PAX3: variants seen among roughly 807,000 people sequenced by gnomAD.
PAX3 encodes paired box protein Pax-3.
Under a neutral mutation model 51.6 loss-of-function variants are expected in PAX3, and 14 were observed. The observed-to-expected ratio is 0.27, with a 90% confidence interval of 0.18 to 0.42. PAX3 has a LOEUF of 0.42. Among genes scored for constraint, PAX3 ranks in the 10% least tolerant of loss-of-function variants. The pLI, the probability that PAX3 is intolerant of heterozygous loss-of-function variation, is 1.00. For synonymous variants in PAX3, 280 were observed against 253.4 expected, an observed-to-expected ratio of 1.11 and a Z score of -1.00; for missense variants, 540 against 642.8, an observed-to-expected ratio of 0.84 and a Z score of 1.73.
chr2:222,235,163 A>G (rs1692752572), intron 4 of PAX3, among the ~76,000 whole-genome samples: 1 of 152,200 alleles, frequency 6.6e-6, no homozygotes, highest in African/African-American at 2.4e-5. Flanking sequence ...AAGAAAAAGA[A>G]TGGTTAGATT....
At chr2:222,272,767 G>C (rs1694297307) in intron 4 of PAX3, among the ~76,000 whole-genome samples, 1 of 152,184 alleles carries the variant, frequency 6.6e-6, no homozygotes. Context: ...GTCAGCACTT[G>C]ATTCCTTTTG....
intron 4 of PAX3, among the ~76,000 whole-genome samples, chr2:222,277,535 A>G (rs1156363603): frequency 1.3e-5 from 2 of 152,184 alleles, no homozygotes; most frequent in Non-Finnish European, 2.9e-5. Flanking sequence ...GTCCAATAGG[A>G]ACACAAGATC....
chr2:222,298,402 T>A (rs1022993475), intron 1 of PAX3, 129 bp downstream of exon 1: 2 of 725,674 alleles, frequency 2.8e-6, no homozygotes, highest in East Asian at 5.4e-5. Flanking sequence ...CTGGTGCTTC[T>A]TGGGGTGTGG....
intron 2 of PAX3, among the ~76,000 whole-genome samples, chr2:222,296,253 G>C (rs1039990514): frequency 6.6e-6 from 1 of 152,236 alleles, no homozygotes; most frequent in Non-Finnish European, 1.5e-5. Context: ...CTGTGAAAGT[G>C]TTTCAGTAGG....
At chr2:222,229,033 G>A (rs1692484764) in intron 5 of PAX3, among the ~76,000 whole-genome samples, 2 of 152,042 alleles carry the variant, frequency 1.3e-5, no homozygotes, top group Admixed American at 1.3e-4. Flanking sequence ...GAATATAGTG[G>A]CCACTCAAAA....
At chr2:222,298,182 T>A in intron 1 of PAX3, 1 of 343,656 alleles carries the variant, frequency 2.9e-6, no homozygotes, top group Non-Finnish European at 5.4e-6. Flanking sequence ...TCGAGACAAC[T>A]TCGAGACAAT....
chr2:222,277,314 TCA>T (rs1476397364), intron 4 of PAX3, among the ~76,000 whole-genome samples: 1 of 152,194 alleles, frequency 6.6e-6, no homozygotes, highest in Non-Finnish European at 1.5e-5. Context: ...TCCTAGACTC[TCA>T]GTCTTGAGAC....
intron 4 of PAX3, among the ~76,000 whole-genome samples, chr2:222,288,139 C>T (rs1694900179): frequency 6.6e-6 from 1 of 152,140 alleles, no homozygotes; most frequent in Non-Finnish European, 1.5e-5. Flanking sequence ...AACAAACAAA[C>T]AAAAGTCGGA....
chr2:222,202,411 G>A (rs1691332633), intron 7 of PAX3, among the ~76,000 whole-genome samples: 1 of 151,866 alleles, frequency 6.6e-6, no homozygotes, highest in Non-Finnish European at 1.5e-5. Context: ...GGGGGAGGGA[G>A]AAGAGGGGAG....
intron 3 of PAX3, among the ~76,000 whole-genome samples, chr2:222,295,220 A>G (rs1177707423): frequency 6.6e-6 from 1 of 152,048 alleles, no homozygotes; most frequent in East Asian, 1.9e-4. Context: ...GTTTCTCTTT[A>G]AAAGGGAACA....
chr2:222,293,576 G>C lies in PAX3; in HGVS notation c.586+591C>G. 6.4e-6 allele frequency: 10 copies of C among 1,560,132 alleles called. No homozygotes were observed. The South Asian group carries it at 1.1e-4, about 18-fold the overall frequency. Reference sequence around the variant, plus strand: ...GAGCTTGGGTTCCTTTCAATTCCCAGGCACACACAGGTTAAACCCCCTCAC... The same window carrying C: ...GAGCTTGGGTTCCTTTCAATTCCCACGCACACACAGGTTAAACCCCCTCAC... On this transcript the variant is annotated intron_variant, in intron 4 of 8. Transcript: ENST00000392070.
rs1345531558 is a variant in PAX3, at chr2:222,260,578, GT to G, written c.587-28296del. Among the ~76,000 whole-genome samples, 152 of 61,712 alleles carry G rather than the reference GT, an allele frequency of 2.5e-3. 3 individuals are homozygous for G. In the South Asian group the frequency reaches 0.047, roughly 19 times the overall value. The allele number at this position is 61,712 out of a possible 152,430, so 40.5% of individuals were successfully genotyped here. ...TTTTTTTTTTTTGTTTTTTTTTTTTGTTTTTTTTTTTTGTTTTTTTTTTTTT... is the reference window on the plus strand; with the variant it reads ...TTTTTTTTTTTTGTTTTTTTTTTTTGTTTTTTTTTTTGTTTTTTTTTTTTT... On this transcript the variant is annotated intron_variant, in intron 4 of 8. Coordinates refer to ENST00000392070, the MANE Select transcript of PAX3 (RefSeq NM_181458.4).
At position 222,295,549 on chromosome 2, in the gene PAX3, C is replaced by A. The variant is rs143780687; in HGVS notation, c.430G>T (p.Asp144Tyr). The change falls in exon 3 of 9, where the codon GAT becomes TAT. Residue 144 changes from aspartate (D) to tyrosine (Y), a missense_variant. This residue lies in a region of PAX3 where 427 missense variants were observed against 483.6 expected (regional missense o/e 0.88). Transcript: ENST00000392070. ...GTACCTGACGGCACGGTGTTTCGAT[C>A]ACAGACCGCGTCCTTGAGTAATTTG... The part of the protein sequence containing the change: ...RDKLLKDAVC[D>Y]RNTVPSVSSI... 9 of 1,614,226 alleles carry A rather than the reference C, an allele frequency of 5.6e-6. No homozygotes were observed. In the African/African-American group the frequency reaches 1.2e-4, roughly 22 times the overall value.
chr2:222,242,310 T>G (rs1693045919), intron 4 of PAX3: 1 of 152,180 alleles, frequency 6.6e-6, no homozygotes, highest in South Asian at 2.1e-4. Flanking sequence ...GATGGATTTT[T>G]TACCATTATG....
chr2:222,251,186 G>A (rs1042452202), intron 4 of PAX3, among the ~76,000 whole-genome samples: 4 of 152,120 alleles, frequency 2.6e-5, no homozygotes, highest in African/African-American at 9.7e-5. Context: ...CATGTGCCAT[G>A]TTGGTGTGCT....
chr2:222,277,970 CTTT>C (rs201134751), intron 4 of PAX3, among the ~76,000 whole-genome samples: 1 of 137,956 alleles, frequency 7.2e-6, no homozygotes. Context: ...TGTGTGATTT[CTTT>C]TTTTTTTTTT....
chr2:222,252,210 T>C (rs1389577567), intron 4 of PAX3, among the ~76,000 whole-genome samples: 1 of 152,150 alleles, frequency 6.6e-6, no homozygotes, highest in Non-Finnish European at 1.5e-5. Flanking sequence ...CAGAGCTGAG[T>C]AGTGTTAACA....
chr2:222,206,040 C>A (rs1318373579), intron 7 of PAX3, among the ~76,000 whole-genome samples: 1 of 151,996 alleles, frequency 6.6e-6, no homozygotes, highest in Non-Finnish European at 1.5e-5. Context: ...AATTCAAAGC[C>A]TAAAATCAAA....
intron 4 of PAX3, among the ~76,000 whole-genome samples, chr2:222,282,250 A>G (rs1342788977): frequency 6.6e-6 from 1 of 152,190 alleles, no homozygotes; most frequent in Non-Finnish European, 1.5e-5. Flanking sequence ...CTTGGAGCAG[A>G]GTCCTTTCTG....
Sources: gnomAD v4.1 joint callset for allele counts (sites outside exome capture counted in the v4.1 genomes callset) on GRCh38, gnomAD v4.1.1 for gene constraint, gnomAD v4.1.1 regional missense constraint, MANE v1.5 for transcripts, NCBI Gene and HGNC (gene_info 2026-07-23, HGNC 2026-07-21) for gene names.